RBM23: variants seen among roughly 807,000 people sequenced by gnomAD.
The protein encoded by RBM23 is RNA binding motif protein 23, also known as probable RNA-binding protein 23.
RBM23 carries 53 observed loss-of-function variants against 56.2 expected under a neutral mutation model. The observed-to-expected ratio is 0.94, with a 90% confidence interval of 0.76 to 1.19. The LOEUF is 1.19. RBM23 is among the 50% of genes most tolerant of loss of function. The probability of loss-of-function intolerance (pLI) is 0.00; values close to 1 mark genes in which losing one functional copy is unlikely to be tolerated. For missense variants in RBM23, 642 were observed against 590.3 expected, an observed-to-expected ratio of 1.09 and a Z score of -0.91; for synonymous variants, 197 against 198.5, an observed-to-expected ratio of 0.99 and a Z score of 0.06.
rs745860500 is a variant in RBM23, at chr14:22,902,174, G to A, written c.1126+13C>T. On this transcript the variant is annotated intron_variant, in intron 11 of 13. Coordinates refer to ENST00000359890, the MANE Select transcript of RBM23 (RefSeq NM_001077351.2). ...TTCAACCCCATAATCTTCACCTTGC[G>A]GAGATATTTTACCTTCTGCCAGTTT... 1.1e-4 allele frequency: 184 copies of A among 1,612,440 alleles called. No individual in the cohort carries two copies. The highest frequency in any genetic ancestry group is 1.6e-4 in the Middle Eastern group (1 of 6,082).
At chr14:22,905,743 C>T (rs1192469041) in intron 5 of RBM23, 84 bp from the exon 6 acceptor site, 1 of 1,048,394 alleles carries the variant, frequency 9.5e-7, no homozygotes, top group East Asian at 2.4e-5. Context: ...AACCAGATTC[C>T]AGTACTTCAT....
At chr14:22,914,107 A>G (rs2043069679) in intron 1 of RBM23, 1 of 151,672 alleles carries the variant, frequency 6.6e-6, no homozygotes, top group African/African-American at 2.4e-5. Context: ...CAGTTTGATC[A>G]TAAGGTCAAG....
chr14:22,894,702 T>A lies in RBM23; in HGVS notation c.*7028A>T, dbSNP rs1346727308. On this transcript the variant is annotated 3_prime_UTR_variant, in exon 14 of 14. Coordinates refer to ENST00000359890, the MANE Select transcript of RBM23 (RefSeq NM_001077351.2). ...GTGAGCAGAGATCATGCCACTGCAC[T>A]CCAGCCTGGGTGATAGCATGAGACT... 6.6e-6 allele frequency: 1 copy of A among 151,756 alleles called. No individual in the cohort carries two copies. Among genetic ancestry groups the A allele is most frequent in the South Asian group, 2.1e-4 (1 of 4,828 alleles). The allele number at this position is 151,756 out of a possible 1,614,324, so 9.4% of individuals were successfully genotyped here. A position where few individuals can be genotyped will look rare whatever the true frequency, so the allele number is the denominator to read the frequency against.
At chr14:22,902,440 C>T in intron 10 of RBM23, 58 bp from the exon 11 acceptor site, 2 of 1,569,144 alleles carry the variant, frequency 1.3e-6, no homozygotes, top group Non-Finnish European at 8.7e-7. Flanking sequence ...CTCTCAAAGA[C>T]CCAGTAACAC....
At chr14:22,909,241 C>T (rs1474941948) in intron 3 of RBM23, among the ~76,000 whole-genome samples, 1 of 152,168 alleles carries the variant, frequency 6.6e-6, no homozygotes, top group Non-Finnish European at 1.5e-5. Context: ...CCACGCCCAG[C>T]CCCTCTTGGT....
At position 22,908,355 on chromosome 14, in the gene RBM23, T is replaced by C; in HGVS notation, c.205A>G (p.Lys69Glu). ...GACCTGCGCTTTCTATCCCTGCTTTTATTATGGCTCCGACTCCTCTTCTTC... is the reference window on the plus strand; with the variant it reads ...GACCTGCGCTTTCTATCCCTGCTTTCATTATGGCTCCGACTCCTCTTCTTC... ...SKKKRSRSHN[K>E]SRDRKRSRSR... Residue 69 changes from lysine (K) to glutamate (E), a missense_variant, in exon 4 of 14, where the codon AAA becomes GAA. By Grantham distance (56) the Lys-to-Glu change is moderately conservative (BLOSUM62 1). Coordinates refer to ENST00000359890, the MANE Select transcript of RBM23 (RefSeq NM_001077351.2). 1 of 1,549,702 alleles carries C rather than the reference T, an allele frequency of 6.5e-7. No individual in the cohort carries two copies.
chr14:22,905,610 C>A lies in RBM23; in HGVS notation c.451G>T (p.Val151Phe). 6.2e-7 allele frequency: 1 copy of A among 1,610,830 alleles called. No individual in the cohort carries two copies. The highest frequency in any genetic ancestry group is 1.1e-5 in the South Asian group (1 of 91,014). Residue 151 changes from valine to phenylalanine, a missense_variant, in exon 6 of 14, where the codon GTC (valine) becomes TTC (phenylalanine). Physicochemically the swap from Val to Phe is conservative, Grantham distance 50 (BLOSUM62 -1). Transcript: ENST00000359890. ...KSPHFREKSP[V>F]REPVDNLSPE... is the part of the protein sequence containing the mutation. ...CAGTGTTCATTATCAACCCACCTGA[C>A]TGGGCTCTTCTCTCTGAAATGAGGA...
Position 22,905,156 on chromosome 14 carries a change from G to A in RBM23, c.664C>T (p.Leu222=), listed in dbSNP as rs1358085264. Residue 222 remains leucine (L), a synonymous_variant, in exon 8 of 14, where the codon CTG becomes TTG. Coordinates refer to ENST00000359890, the MANE Select transcript of RBM23 (RefSeq NM_001077351.2). ...VEFCEIQSVP[L]AIGLTGQRLL... ...CGCTGCCCAGTCAGCCCAATGGCCA[G>A]TGGCACAGACTGGATTTCACAGAAT... The A allele has an allele frequency of 6.2e-7, 1 of 1,614,118 alleles. No homozygotes were observed. Among genetic ancestry groups the A allele is most frequent in the Non-Finnish European group, 8.5e-7 (1 of 1,180,044 alleles).
At chr14:22,912,658 G>C (rs564799303) in intron 1 of RBM23, among the ~76,000 whole-genome samples, 2 of 152,136 alleles carry the variant, frequency 1.3e-5, no homozygotes, top group Admixed American at 6.5e-5. Context: ...CCCACAAAAA[G>C]TACACAATGA....
chr14:22,910,347 T>TA (rs1190203957), intron 2 of RBM23, among the ~76,000 whole-genome samples: 1 of 136,794 alleles, frequency 7.3e-6, no homozygotes, highest in African/African-American at 2.8e-5. Context: ...TAATCCCAGC[T>TA]ACTTGGGAGG....
At position 22,895,452 on chromosome 14, in the gene RBM23, G is replaced by A. The variant is rs1566504632; in HGVS notation, c.*6278C>T. On this transcript the variant is annotated 3_prime_UTR_variant, in exon 14 of 14. Coordinates refer to ENST00000359890, the MANE Select transcript of RBM23 (RefSeq NM_001077351.2). ...TAGGCTCTGGAGACCAACAAAGACAGGTGCTTGGGGGAGGCTGAGACGCTA... is the reference window on the plus strand; with the variant it reads ...TAGGCTCTGGAGACCAACAAAGACAAGTGCTTGGGGGAGGCTGAGACGCTA... The A allele has an allele frequency of 6.6e-6, 1 of 152,012 alleles. No individual in the cohort carries two copies. The highest frequency in any genetic ancestry group is 1.5e-5 in the Non-Finnish European group (1 of 68,026). The allele number at this position is 152,012 out of a possible 1,614,324, so 9.4% of individuals were successfully genotyped here. A position where few individuals can be genotyped will look rare whatever the true frequency, so the allele number is the denominator to read the frequency against.
At chr14:22,905,916 A>G in intron 5 of RBM23, 1 of 589,720 alleles carries the variant, frequency 1.7e-6, no homozygotes, top group Non-Finnish European at 3.0e-6. Flanking sequence ...TATCTAGCTC[A>G]TTTTTGCATT....
At chr14:22,907,618 T>C (rs2041793699) in intron 4 of RBM23, among the ~76,000 whole-genome samples, 2 of 152,252 alleles carry the variant, frequency 1.3e-5, no homozygotes, top group Admixed American at 1.3e-4. Context: ...ACGTACAGTA[T>C]ATACTTCACG....
intron 1 of RBM23, chr14:22,916,995 A>G (rs898454365): frequency 6.6e-6 from 1 of 151,936 alleles, no homozygotes; most frequent in Non-Finnish European, 1.5e-5. Context: ...CAGTCTCCCA[A>G]GTAGCTGGGA....
Position 22,906,190 on chromosome 14 carries a change from G to A in RBM23, c.401+5C>T. 2 of 1,613,790 alleles carry A rather than the reference G, an allele frequency of 1.2e-6. No homozygotes were observed. Among genetic ancestry groups the A allele is most frequent in the African/African-American group, 1.3e-5 (1 of 75,054 alleles). On this transcript the variant is annotated splice_donor_5th_base_variant and intron_variant, in intron 5 of 13. Transcript: ENST00000359890. ...AAAAGTGAATCTATTAGCAAAAAGT[G>A]ATACCCAGTGGCAAGTGGAGGACTC... is the stretch of plus-strand genomic sequence containing the variant.
At position 22,915,776 on chromosome 14, in the gene RBM23, G is replaced by C. The variant is rs181763113; in HGVS notation, c.-11+3223C>G. Among the ~76,000 whole-genome samples, 311 of 152,380 alleles carry C rather than the reference G, an allele frequency of 2.0e-3. 8 individuals carry two copies. The highest frequency in any genetic ancestry group is 0.02 in the Admixed American group (306 of 15,308). On this transcript the variant is annotated intron_variant, in intron 1 of 13. Coordinates refer to ENST00000359890, the MANE Select transcript of RBM23 (RefSeq NM_001077351.2). ...CTCCCAGTGCTGGGATTACAGGCAT[G>C]AGCCACTGTGCCCGGCCTTCTACTT... is the stretch of plus-strand genomic sequence containing the variant.
chr14:22,908,219 C>G, intron 4 of RBM23, 114 bp downstream of exon 4: 1 of 1,143,452 alleles, frequency 8.7e-7, no homozygotes, highest in Non-Finnish European at 1.2e-6. Flanking sequence ...CAGGATTTTG[C>G]TATGTTGCCC....
At position 22,902,299 on chromosome 14, in the gene RBM23, A is replaced by C. The variant is rs538184186; in HGVS notation, c.1014T>G (p.His338Gln). The C allele has an allele frequency of 6.2e-7, 1 of 1,614,174 alleles. No homozygotes were observed. The highest frequency in any genetic ancestry group is 8.5e-7 in the Non-Finnish European group (1 of 1,180,022). ...TGCCACCATCCAGTCGCTCAGTCAC[A>C]TGGCCAACCCTCATAGGTCGACCAG... ...ELAGRPMRVGHVTERLDGGTD... is the reference protein window; with the variant it reads ...ELAGRPMRVGQVTERLDGGTD... Residue 338 changes from histidine to glutamine, a missense_variant, in exon 11 of 14, where the codon CAT (histidine) becomes CAG (glutamine). Coordinates refer to ENST00000359890, the MANE Select transcript of RBM23 (RefSeq NM_001077351.2).
chr14:22,913,996 G>T (rs1259739932), intron 1 of RBM23: 1 of 140,326 alleles, frequency 7.1e-6, no homozygotes, highest in Non-Finnish European at 1.5e-5. Flanking sequence ...TGCACTCCAG[G>T]TTGGGTGACA....
Sources: allele counts gnomAD v4.1 joint callset (sites outside exome capture counted in the v4.1 genomes callset), GRCh38; gene constraint gnomAD v4.1.1; transcripts MANE v1.5; gene names NCBI Gene and HGNC (gene_info 2026-07-23, HGNC 2026-07-21).